PDE4D: variants seen among roughly 807,000 people sequenced by gnomAD.
The protein encoded by PDE4D is phosphodiesterase 4D.
A neutral mutation model predicts 87.4 loss-of-function variants in PDE4D; 24 were observed. The ratio of observed to expected loss-of-function variants is 0.27; its 90% CI spans 0.20 to 0.39. PDE4D has a LOEUF of 0.39. Among genes scored for constraint, PDE4D ranks in the 10% least tolerant of loss-of-function variants. PDE4D has a pLI of 1.00. For missense variants in PDE4D, 714 were observed against 1,041.0 expected (o/e 0.69, Z 4.32); for synonymous variants, 384 against 383.2 (o/e 1.00, Z -0.02).
intron 6 of PDE4D, among the ~76,000 whole-genome samples, chr5:59,004,338 T>A (rs574542965): frequency 6.6e-6 from 1 of 152,332 alleles, no homozygotes; most frequent in African/African-American, 2.4e-5. Context: ...AAAATGAGAA[T>A]AATAGTTTCT....
At chr5:59,409,656 G>A (rs1040371154) in intron 1 of PDE4D, among the ~76,000 whole-genome samples, 6 of 152,138 alleles carry the variant, frequency 3.9e-5, no homozygotes, top group African/African-American at 1.2e-4. Flanking sequence ...GTTCCCTGAG[G>A]CCTCCCCAGA....
At chr5:59,739,996 C>G (rs1223378732) in intron 1 of PDE4D, among the ~76,000 whole-genome samples, 1 of 152,056 alleles carries the variant, frequency 6.6e-6, no homozygotes, top group East Asian at 1.9e-4. Context: ...CTAATCACTC[C>G]AACACTGTAC....
intron 5 of PDE4D, among the ~76,000 whole-genome samples, chr5:59,100,715 A>G (rs1052746021): frequency 6.6e-6 from 1 of 152,204 alleles, no homozygotes. Context: ...ACTGCTTGTC[A>G]TACTACATCT....
chr5:60,506,569 G>A (rs1750334159), intron 1 of PDE4D, among the ~76,000 whole-genome samples: 1 of 152,060 alleles, frequency 6.6e-6, no homozygotes, highest in Non-Finnish European at 1.5e-5. Context: ...GGCTAATGCT[G>A]TCAAAGAAAA....
intron 2 of PDE4D, among the ~76,000 whole-genome samples, chr5:60,150,153 T>C (rs548778083): frequency 1.3e-5 from 2 of 151,266 alleles, no homozygotes; most frequent in African/African-American, 4.8e-5. Context: ...TATATAATAT[T>C]CTAAATTAGT....
At chr5:59,950,384 T>C (rs1439024220) in intron 3 of PDE4D, among the ~76,000 whole-genome samples, 1 of 152,134 alleles carries the variant, frequency 6.6e-6, no homozygotes, top group Non-Finnish European at 1.5e-5. Flanking sequence ...ATTAATAGAA[T>C]TTATATTTGA....
chr5:58,976,323 ACAGAG>A (rs779659665), intron 13 of PDE4D, 22 bp downstream of exon 13: 1 of 1,610,792 alleles, frequency 6.2e-7, no homozygotes, highest in Non-Finnish European at 8.5e-7. Flanking sequence ...ACACACACAC[ACAGAG>A]CAAACTCAAA....
intron 1 of PDE4D, among the ~76,000 whole-genome samples, chr5:59,504,902 ATGTG>A (rs61507201): frequency 0.094 from 13,732 of 145,722 alleles, 1,443 homozygotes; most frequent in African/African-American, 0.27. Context: ...GTAGGGGTAT[ATGTG>A]TGTGTGTGTG....
intron 1 of PDE4D, among the ~76,000 whole-genome samples, chr5:59,250,343 A>G (rs2153528807): frequency 1.3e-5 from 2 of 151,714 alleles, no homozygotes; most frequent in South Asian, 4.2e-4. Context: ...ATTAAAAAAA[A>G]CAAGCCAGGA....
At chr5:60,286,724 C>T (rs1370111056) in intron 1 of PDE4D, among the ~76,000 whole-genome samples, 1 of 152,076 alleles carries the variant, frequency 6.6e-6, no homozygotes, top group Non-Finnish European at 1.5e-5. Flanking sequence ...AATAAGAAGC[C>T]TCCGAAACAA....
Position 59,239,306 on chromosome 5 carries a change from G to A in PDE4D, c.456-23338C>T, listed in dbSNP as rs1201795985. Among the ~76,000 whole-genome samples, 9 of 152,038 alleles carry A rather than the reference G, an allele frequency of 5.9e-5. No homozygotes were observed. The East Asian group carries it at 1.4e-3, about 23-fold the overall frequency. On this transcript the variant is annotated intron_variant, in intron 1 of 14. Transcript: ENST00000340635. The stretch of plus-strand genomic sequence containing the variant: ...CACGTTGCTGAAATGCCTCCTCACC[G>A]GAGATCTTACCACCTGTGAAATTCT...
intron 2 of PDE4D, chr5:60,127,687 A>G: frequency 1.7e-6 from 1 of 580,664 alleles, no homozygotes; most frequent in Non-Finnish European, 3.1e-6. Flanking sequence ...GCAGGCTGTG[A>G]GGGGAAAACA....
At chr5:59,283,194 TAA>T (rs1030634261) in intron 1 of PDE4D, among the ~76,000 whole-genome samples, 3 of 152,174 alleles carry the variant, frequency 2.0e-5, no homozygotes, top group African/African-American at 7.2e-5. Context: ...CTATTAAAAA[TAA>T]GTTTTAAAAG....
intron 1 of PDE4D, among the ~76,000 whole-genome samples, chr5:59,244,329 C>T (rs1476646198): frequency 6.6e-6 from 1 of 151,830 alleles, no homozygotes; most frequent in South Asian, 2.1e-4. Flanking sequence ...ACCCAGGAGA[C>T]GTAGGTTTCA....
At chr5:60,363,827 A>G (rs1320321656) in intron 1 of PDE4D, among the ~76,000 whole-genome samples, 1 of 152,208 alleles carries the variant, frequency 6.6e-6, no homozygotes, top group African/African-American at 2.4e-5. Context: ...GAAGAAGAGA[A>G]AGAAGGCCAG....
At chr5:59,963,037 G>A (rs1174330138) in intron 3 of PDE4D, among the ~76,000 whole-genome samples, 1 of 152,180 alleles carries the variant, frequency 6.6e-6, no homozygotes, top group Non-Finnish European at 1.5e-5. Flanking sequence ...AGGCTGTGGA[G>A]ATCCAAAGAA....
chr5:60,007,574 C>T (rs890691031), intron 2 of PDE4D, among the ~76,000 whole-genome samples: 8 of 152,034 alleles, frequency 5.3e-5, no homozygotes, highest in South Asian at 4.1e-4. Context: ...CCACACATAC[C>T]TACACTACTT....
At chr5:59,825,183 C>T (rs1770173975) in intron 1 of PDE4D, among the ~76,000 whole-genome samples, 1 of 152,100 alleles carries the variant, frequency 6.6e-6, no homozygotes, top group African/African-American at 2.4e-5. Context: ...ACATGTGATA[C>T]ATTGGAGATA....
chr5:59,529,064 C>T (rs936695055), intron 1 of PDE4D: 22 of 468,592 alleles, frequency 4.7e-5, no homozygotes, highest in South Asian at 3.4e-4. Flanking sequence ...TGCCTTAATT[C>T]GTTGGACCTA....
Sources: allele counts gnomAD v4.1 joint callset (sites outside exome capture counted in the v4.1 genomes callset), GRCh38; gene constraint gnomAD v4.1.1; transcripts MANE v1.5; gene names NCBI Gene and HGNC (gene_info 2026-07-23, HGNC 2026-07-21).